ABTB3: variants seen among roughly 807,000 people sequenced by gnomAD.
ABTB3 encodes ankyrin repeat and BTB domain containing 3, also known as ankyrin repeat- and BTB/POZ domain-containing protein 3.
chr12:107,643,074 T>C, the ABTB3 span, among the ~76,000 whole-genome samples: 1 of 152,082 alleles, frequency 6.6e-6, no homozygotes, highest in Non-Finnish European at 1.5e-5. Context: ...CCAGGCTGTC[T>C]TCCCATCTTC....
the ABTB3 span, among the ~76,000 whole-genome samples, chr12:107,657,050 A>AC: frequency 1.4e-5 from 2 of 143,606 alleles, no homozygotes; most frequent in Admixed American, 1.5e-4. Flanking sequence ...CTCAAAAAAA[A>AC]CAAAAAAAAG....
chr12:107,463,294 G>C, the ABTB3 span, among the ~76,000 whole-genome samples: 13 of 151,754 alleles, frequency 8.6e-5, no homozygotes, highest in African/African-American at 2.7e-4. Flanking sequence ...GATGATGATG[G>C]TGGTGGTGGT....
chr12:107,509,157 G>A, the ABTB3 span, among the ~76,000 whole-genome samples: 1 of 152,224 alleles, frequency 6.6e-6, no homozygotes, highest in East Asian at 1.9e-4. Context: ...CCTATGAGGC[G>A]GATGTCACCC....
At chr12:107,651,616 T>A in the ABTB3 span, 1 of 1,244,024 alleles carries the variant, frequency 8.0e-7, no homozygotes, top group Non-Finnish European at 1.2e-6. Flanking sequence ...AGTTCCTTAT[T>A]GTTACCTCCT....
At chr12:107,508,438 C>CTTTTTTTTTGTTTT in the ABTB3 span, among the ~76,000 whole-genome samples, 2 of 69,150 alleles carry the variant, frequency 2.9e-5, no homozygotes, top group African/African-American at 1.1e-4. Context: ...AAGATCATTT[C>CTTTTTTTTTGTTTT]TTTTTTTTTT....
the ABTB3 span, among the ~76,000 whole-genome samples, chr12:107,636,480 C>G: frequency 6.6e-6 from 1 of 152,210 alleles, no homozygotes; most frequent in Admixed American, 6.5e-5. Flanking sequence ...AATTTCTACT[C>G]TTTAGCAAAA....
the ABTB3 span, among the ~76,000 whole-genome samples, chr12:107,488,428 A>G: frequency 6.6e-6 from 1 of 152,174 alleles, no homozygotes; most frequent in African/African-American, 2.4e-5. Context: ...GAATGGCAGA[A>G]TAATAATATC....
the ABTB3 span, among the ~76,000 whole-genome samples, chr12:107,496,600 T>A: frequency 6.6e-6 from 1 of 152,104 alleles, no homozygotes; most frequent in African/African-American, 2.4e-5. Context: ...TGCCTCTGAG[T>A]GGCTTAGATG....
the ABTB3 span, among the ~76,000 whole-genome samples, chr12:107,577,506 C>T: frequency 6.6e-6 from 1 of 152,122 alleles, no homozygotes; most frequent in Non-Finnish European, 1.5e-5. Flanking sequence ...CAGAGAAAGG[C>T]CATGTCCGTG....
At chr12:107,384,630 A>G in the ABTB3 span, among the ~76,000 whole-genome samples, 1 of 152,322 alleles carries the variant, frequency 6.6e-6, no homozygotes, top group South Asian at 2.1e-4. Context: ...AGGCCTCAGT[A>G]CATCCCCTGG....
the ABTB3 span, chr12:107,649,505 G>T: frequency 1.9e-6 from 1 of 520,974 alleles, no homozygotes; most frequent in Non-Finnish European, 3.5e-6. Context: ...GCACTTGCTT[G>T]CCTGACTGCT....
At chr12:107,375,852 A>G in the ABTB3 span, among the ~76,000 whole-genome samples, 2 of 152,192 alleles carry the variant, frequency 1.3e-5, no homozygotes, top group Admixed American at 6.5e-5. Flanking sequence ...TCAAACCTGC[A>G]GAGGCTTCCC....
the ABTB3 span, among the ~76,000 whole-genome samples, chr12:107,427,406 C>T: frequency 3.5e-4 from 53 of 152,230 alleles, no homozygotes; most frequent in African/African-American, 1.1e-3. Flanking sequence ...CTCAACCTCC[C>T]GAGTAGTTGG....
the ABTB3 span, among the ~76,000 whole-genome samples, chr12:107,353,276 C>T: frequency 6.6e-6 from 1 of 152,158 alleles, no homozygotes; most frequent in Non-Finnish European, 1.5e-5. Flanking sequence ...GATATAGAAC[C>T]ATATGACACC....
the ABTB3 span, among the ~76,000 whole-genome samples, chr12:107,472,820 C>T: frequency 5.9e-5 from 9 of 152,254 alleles, no homozygotes; most frequent in African/African-American, 2.2e-4. Context: ...CAGATTTAAG[C>T]ATTGAGGGTC....
the ABTB3 span, among the ~76,000 whole-genome samples, chr12:107,596,676 T>G: frequency 6.6e-6 from 1 of 152,154 alleles, no homozygotes; most frequent in Non-Finnish European, 1.5e-5. Context: ...GCACAGAGCA[T>G]GAGTCTTGGG....
the ABTB3 span, among the ~76,000 whole-genome samples, chr12:107,553,801 A>G: frequency 6.6e-6 from 1 of 152,214 alleles, no homozygotes. Context: ...TTAGGTAGGC[A>G]TCGTGGCACA....
chr12:107,578,383 CTTTTTTTTTTTT>C, the ABTB3 span, among the ~76,000 whole-genome samples: 86 of 57,208 alleles, frequency 1.5e-3, 2 homozygotes, highest in African/African-American at 4.8e-3. Context: ...CTTTCTTCTT[CTTTTTTTTTTTT>C]TTTTTTTTTT....
At chr12:107,588,153 G>A in the ABTB3 span, among the ~76,000 whole-genome samples, 123 of 152,286 alleles carry the variant, frequency 8.1e-4, 1 homozygote, top group African/African-American at 2.9e-3. Flanking sequence ...TATAAGGAAA[G>A]CAGTCATATT....
Sources: gnomAD v4.1 joint callset for allele counts (sites outside exome capture counted in the v4.1 genomes callset) on GRCh38, gnomAD v4.1.1 for gene constraint, MANE v1.5 for transcripts, NCBI Gene and HGNC (gene_info 2026-07-23, HGNC 2026-07-21) for gene names.